The following NPAS3 variants were observed in gnomAD, a reference collection of about 807,000 sequenced individuals.
NPAS3 encodes the protein neuronal PAS domain-containing protein 3.
A neutral mutation model predicts 73.1 loss-of-function variants in NPAS3; 14 were observed. The ratio of observed to expected loss-of-function variants is 0.19; its 90% CI spans 0.13 to 0.30. The LOEUF is 0.30. Ranked by LOEUF, NPAS3 falls within the 10% of genes least tolerant of loss-of-function variation. The pLI is 1.00. For synonymous variants in NPAS3, 620 were observed against 541.5 expected, an observed-to-expected ratio of 1.14 and a Z score of -2.01; for missense variants, 1,096 against 1,250.0, an observed-to-expected ratio of 0.88 and a Z score of 1.86.
chr14:33,427,722 T>TTATTCATA (rs1301579316), intron 4 of NPAS3, among the ~76,000 whole-genome samples: 7 of 152,186 alleles, frequency 4.6e-5, no homozygotes, highest in Non-Finnish European at 2.9e-5. Flanking sequence ...TTTTGCTGAT[T>TTATTCATA]TATTCATAGC....
At chr14:33,564,276 A>T (rs1236636058) in intron 5 of NPAS3, among the ~76,000 whole-genome samples, 4 of 152,206 alleles carry the variant, frequency 2.6e-5, no homozygotes, top group African/African-American at 9.6e-5. Context: ...TAAACCATCA[A>T]AAATGAAAAA....
chr14:33,635,611 A>T (rs2058492468), intron 5 of NPAS3, among the ~76,000 whole-genome samples: 1 of 152,130 alleles, frequency 6.6e-6, no homozygotes, highest in Non-Finnish European at 1.5e-5. Context: ...AAGTTTAATC[A>T]ATCATATCCT....
chr14:33,412,318 C>T (rs2138912648), intron 4 of NPAS3, among the ~76,000 whole-genome samples: 2 of 152,194 alleles, frequency 1.3e-5, no homozygotes, highest in Middle Eastern at 3.4e-3. Flanking sequence ...CGGGGTTTCA[C>T]CATGTTGCCC....
intron 4 of NPAS3, among the ~76,000 whole-genome samples, chr14:33,538,298 T>C (rs1279530566): frequency 6.6e-6 from 1 of 152,178 alleles, no homozygotes; most frequent in Non-Finnish European, 1.5e-5. Flanking sequence ...AAACTAATAA[T>C]GCTAAACCAA....
chr14:33,148,035 T>C (rs1473308924), intron 2 of NPAS3, among the ~76,000 whole-genome samples: 1 of 151,986 alleles, frequency 6.6e-6, no homozygotes, highest in Non-Finnish European at 1.5e-5. Context: ...ACCAATAGAA[T>C]GTGAAACAAA....
chr14:33,406,823 A>C (rs973425282), intron 4 of NPAS3, among the ~76,000 whole-genome samples: 1 of 152,094 alleles, frequency 6.6e-6, no homozygotes, highest in Non-Finnish European at 1.5e-5. Flanking sequence ...AAAATTTATG[A>C]ATACCTTCAG....
chr14:33,723,808 C>T (rs1443569348), intron 6 of NPAS3, among the ~76,000 whole-genome samples: 1 of 152,132 alleles, frequency 6.6e-6, no homozygotes, highest in African/African-American at 2.4e-5. Flanking sequence ...ACTCCCTGAA[C>T]TTCCTTCAAG....
chr14:32,969,530 AT>A (rs1251167886), intron 1 of NPAS3, among the ~76,000 whole-genome samples: 4 of 152,222 alleles, frequency 2.6e-5, no homozygotes, highest in African/African-American at 9.7e-5. Context: ...TCTGGACCAA[AT>A]CCTCTTTCTG....
chr14:33,524,783 G>T (rs2053720040), intron 4 of NPAS3, among the ~76,000 whole-genome samples: 1 of 152,158 alleles, frequency 6.6e-6, no homozygotes, highest in African/African-American at 2.4e-5. Flanking sequence ...CCAGCTTCCG[G>T]TGGTTTGCTG....
At chr14:33,657,154 T>C (rs2059167095) in intron 5 of NPAS3, among the ~76,000 whole-genome samples, 1 of 152,166 alleles carries the variant, frequency 6.6e-6, no homozygotes, top group African/African-American at 2.4e-5. Context: ...AAAAGTCAAA[T>C]TCATAGAAAC....
intron 4 of NPAS3, among the ~76,000 whole-genome samples, chr14:33,470,532 C>G (rs989094008): frequency 6.6e-6 from 1 of 152,020 alleles, no homozygotes; most frequent in African/African-American, 2.4e-5. Flanking sequence ...TAGAAATAAC[C>G]AAGGAATAGG....
intron 2 of NPAS3, among the ~76,000 whole-genome samples, chr14:33,170,138 T>G (rs1200182812): frequency 6.6e-6 from 1 of 152,186 alleles, no homozygotes; most frequent in Admixed American, 6.5e-5. Flanking sequence ...CAGGCATACC[T>G]TAGAGATAAT....
chr14:33,561,908 G>C (rs1394593494), intron 5 of NPAS3, among the ~76,000 whole-genome samples: 1 of 152,198 alleles, frequency 6.6e-6, no homozygotes, highest in Non-Finnish European at 1.5e-5. Flanking sequence ...CAAGGCAACT[G>C]CATTTTCTGT....
intron 2 of NPAS3, among the ~76,000 whole-genome samples, chr14:33,213,430 T>TA: frequency 6.6e-6 from 1 of 152,170 alleles, no homozygotes; most frequent in East Asian, 1.9e-4. Flanking sequence ...TTTTATTCTG[T>TA]AAAGGGAGGA....
intron 4 of NPAS3, among the ~76,000 whole-genome samples, chr14:33,497,471 A>C (rs1337457804): frequency 1.3e-5 from 2 of 152,190 alleles, no homozygotes; most frequent in African/African-American, 4.8e-5. Context: ...ACAGTAACCA[A>C]AACGGCATGG....
intron 1 of NPAS3, among the ~76,000 whole-genome samples, chr14:32,955,067 A>G (rs995978935): frequency 6.6e-6 from 1 of 152,078 alleles, no homozygotes; most frequent in Admixed American, 6.6e-5. Flanking sequence ...ACACTTTTGT[A>G]TGTACCATAA....
At chr14:32,955,085 T>C (rs1255486096) in intron 1 of NPAS3, among the ~76,000 whole-genome samples, 1 of 152,156 alleles carries the variant, frequency 6.6e-6, no homozygotes, top group Non-Finnish European at 1.5e-5. Context: ...TAAGTTGTTA[T>C]TGTAGCTCAC....
intron 3 of NPAS3, 33 bp downstream of exon 3, chr14:33,215,459 GATGGTCTGTA>G: frequency 6.2e-7 from 1 of 1,612,290 alleles, no homozygotes; most frequent in Non-Finnish European, 8.5e-7. Context: ...GTCTGAATAT[GATGGTCTGTA>G]GGGGTCTGTA....
intron 8 of NPAS3, 33 bp from the exon 9 acceptor site, chr14:33,778,433 T>C: frequency 6.9e-7 from 1 of 1,440,442 alleles, no homozygotes; most frequent in South Asian, 1.1e-5. Context: ...TTTCCTCCTT[T>C]CTGAATTCCA....
Sources: gnomAD v4.1 joint callset for allele counts (sites outside exome capture counted in the v4.1 genomes callset) on GRCh38, gnomAD v4.1.1 for gene constraint, MANE v1.5 for transcripts, NCBI Gene and HGNC (gene_info 2026-07-23, HGNC 2026-07-21) for gene names.